Variants in PDE4B observed in about 807,000 individuals in gnomAD.
PDE4B encodes the protein 3',5'-cyclic-AMP phosphodiesterase 4B.
In PDE4B, 20 loss-of-function variants were observed where a neutral mutation model predicts 82.2. That is an observed-to-expected ratio of 0.24 (90% CI 0.17 to 0.35). PDE4B has a LOEUF of 0.35. Among genes scored for constraint, PDE4B ranks in the 10% least tolerant of loss-of-function variants. The pLI, the probability that PDE4B is intolerant of heterozygous loss-of-function variation, is 1.00. For missense variants in PDE4B, 655 were observed against 907.2 expected (o/e 0.72, Z 3.57); for synonymous variants, 320 against 318.9 (o/e 1.00, Z -0.04).
At chr1:65,835,520 G>A (rs1646130393) in intron 1 of PDE4B, among the ~76,000 whole-genome samples, 1 of 152,172 alleles carries the variant, frequency 6.6e-6, no homozygotes, top group Admixed American at 6.5e-5. Flanking sequence ...CCTCAGAGAA[G>A]GCTGAGCAAG....
intron 3 of PDE4B, among the ~76,000 whole-genome samples, chr1:66,184,493 G>A (rs886898752): frequency 6.6e-6 from 1 of 152,156 alleles, no homozygotes; most frequent in Non-Finnish European, 1.5e-5. Flanking sequence ...CTATGGGTTA[G>A]AACCAACAGC....
chr1:66,225,162 A>G (rs2101616217), intron 3 of PDE4B, among the ~76,000 whole-genome samples: 2 of 152,298 alleles, frequency 1.3e-5, no homozygotes, highest in South Asian at 4.1e-4. Flanking sequence ...AAAGAAGCCT[A>G]CATGGGCTCT....
chr1:65,899,786 A>C (rs1297936305), intron 1 of PDE4B, among the ~76,000 whole-genome samples: 3 of 151,826 alleles, frequency 2.0e-5, no homozygotes, highest in Non-Finnish European at 2.9e-5. Flanking sequence ...AGGAATGGAA[A>C]ACCAAACATC....
intron 3 of PDE4B, among the ~76,000 whole-genome samples, chr1:65,993,752 G>T (rs1477169490): frequency 6.6e-6 from 1 of 151,936 alleles, no homozygotes. Context: ...ATCTTTAAGA[G>T]CTTCTTTTTT....
At chr1:66,138,215 A>G (rs1646097896) in intron 3 of PDE4B, among the ~76,000 whole-genome samples, 1 of 152,198 alleles carries the variant, frequency 6.6e-6, no homozygotes, top group African/African-American at 2.4e-5. Context: ...GCCAGATGAT[A>G]TAACACTACA....
intron 7 of PDE4B, among the ~76,000 whole-genome samples, chr1:66,318,360 G>T (rs182244374): frequency 6.6e-6 from 1 of 152,124 alleles, no homozygotes; most frequent in East Asian, 1.9e-4. Context: ...ACTTATGGTG[G>T]GTCAAAAATA....
At chr1:65,958,904 G>GA (rs1156437070) in intron 3 of PDE4B, among the ~76,000 whole-genome samples, 1 of 152,128 alleles carries the variant, frequency 6.6e-6, no homozygotes, top group African/African-American at 2.4e-5. Context: ...AACTTCTTTT[G>GA]AAACAAATGT....
rs565721567 is a variant in PDE4B at position 66,337,027 on chromosome 1, A to C, written c.747+4407A>C. 7.9e-5 allele frequency among the ~76,000 whole-genome samples: 12 copies of C among 152,364 alleles called. No individual in the cohort carries two copies. The South Asian group carries it at 2.3e-3, about 29-fold the overall frequency. ...TTTGTATTTAACTAAATAATCAATA[A>C]CTATGGAAAATGCCAGCTCCTGCAG... On this transcript the variant is annotated intron_variant, in intron 8 of 16. Transcript: ENST00000341517.
chr1:66,026,934 C>T (rs1384648549), intron 3 of PDE4B, among the ~76,000 whole-genome samples: 1 of 152,158 alleles, frequency 6.6e-6, no homozygotes, highest in East Asian at 1.9e-4. Flanking sequence ...ATACATGGCT[C>T]AGTAAACTTA....
At chr1:66,063,852 A>G (rs1279128366) in intron 3 of PDE4B, among the ~76,000 whole-genome samples, 1 of 152,032 alleles carries the variant, frequency 6.6e-6, no homozygotes, top group Non-Finnish European at 1.5e-5. Context: ...CAGGTTTTAT[A>G]TTTTATGGAA....
chr1:66,208,163 C>A (rs140882767), intron 3 of PDE4B, among the ~76,000 whole-genome samples: 1 of 152,146 alleles, frequency 6.6e-6, no homozygotes, highest in Non-Finnish European at 1.5e-5. Flanking sequence ...TATTTCCTGT[C>A]CTTTTCGCCA....
intron 8 of PDE4B, among the ~76,000 whole-genome samples, chr1:66,342,646 A>T (rs1176000607): frequency 6.6e-6 from 1 of 151,542 alleles, no homozygotes; most frequent in African/African-American, 2.4e-5. Flanking sequence ...CAGGAGAATC[A>T]CTTGAAACCA....
At position 66,363,461 on chromosome 1, in the gene PDE4B, A is replaced by G. The variant is rs1483225921; in HGVS notation, c.1174A>G (p.Met392Val). Residue 392 changes from methionine to valine, a missense_variant, in exon 12 of 17, where the codon ATG becomes GTG. Physicochemically the swap from Met to Val is conservative, Grantham distance 21. This residue lies in a region of PDE4B where 283 missense variants were observed against 516.4 expected (regional missense o/e 0.55). Coordinates refer to ENST00000341517, the MANE Select transcript of PDE4B (RefSeq NM_002600.4). Reference sequence around the variant, plus strand: ...CTCATCTGACACATTTATAACCTACATGATGACTTTAGAAGACCATTACCA... The same window carrying G: ...CTCATCTGACACATTTATAACCTACGTGATGACTTTAGAAGACCATTACCA... ...RISSDTFITY[M>V]MTLEDHYHSD... The G allele has an allele frequency of 3.1e-6, 5 of 1,613,454 alleles. No individual in the cohort carries two copies. The South Asian group carries it at 4.4e-5, about 14-fold the overall frequency.
chr1:65,979,388 G>C (rs1650571292), intron 3 of PDE4B, among the ~76,000 whole-genome samples: 1 of 152,226 alleles, frequency 6.6e-6, no homozygotes, highest in Non-Finnish European at 1.5e-5. Context: ...CTGGGTGGTG[G>C]TGCCGCTACT....
In PDE4B at chr1:65,856,846, T is replaced by G. The variant is rs537030348; in HGVS notation, c.-70-56399T>G. 2.0e-5 allele frequency among the ~76,000 whole-genome samples: 3 copies of G among 152,308 alleles called. No homozygotes were observed. The East Asian group carries it at 5.8e-4, about 29-fold the overall frequency. On this transcript the variant is annotated intron_variant, in intron 1 of 16. Transcript: ENST00000341517. ...GAGATTCTTAAGCGTTTGCTTGGCT[T>G]GGCCTCAGGAAAGTCTTAACACTGG... is the stretch of plus-strand genomic sequence containing the variant.
rs72667487 is a variant in PDE4B, at chr1:66,131,393, C to T, written c.282-116067C>T. On this transcript the variant is annotated intron_variant, in intron 3 of 16. Coordinates refer to ENST00000341517, the MANE Select transcript of PDE4B (RefSeq NM_002600.4). ...GAAGATCAAAATAAAGAACTATAAA[C>T]AACATAAAATATTTATGAGAAATCA... Among the ~76,000 whole-genome samples the T allele has an allele frequency of 1.4e-3, 211 of 149,998 alleles. 1 individual carries two copies. The highest frequency in any genetic ancestry group is 2.3e-3 in the Non-Finnish European group (153 of 67,472).
rs112060192 is a variant in PDE4B, at chr1:66,031,212, A to G, written c.281+112377A>G. Among the ~76,000 whole-genome samples, 252 of 152,366 alleles carry G rather than the reference A, an allele frequency of 1.7e-3. 1 individual carries two copies. Among genetic ancestry groups the G allele is most frequent in the African/African-American group, 5.5e-3 (228 of 41,586 alleles). On this transcript the variant is annotated intron_variant, in intron 3 of 16. Coordinates refer to ENST00000341517, the MANE Select transcript of PDE4B (RefSeq NM_002600.4). ...TCCAGGTATTTAAAGTAAATAGACT[A>G]AAATAATTGATTAGAGAATTTTAGG...
At chr1:65,944,217 G>T (rs1361849769) in intron 3 of PDE4B, among the ~76,000 whole-genome samples, 1 of 151,672 alleles carries the variant, frequency 6.6e-6, no homozygotes, top group East Asian at 1.9e-4. Context: ...AATTTTGTCA[G>T]TTGCTTTTTC....
At chr1:66,269,716 A>G (rs1355980646) in intron 7 of PDE4B, among the ~76,000 whole-genome samples, 1 of 152,226 alleles carries the variant, frequency 6.6e-6, no homozygotes, top group Non-Finnish European at 1.5e-5. Flanking sequence ...TTTGCTCTTC[A>G]ATAGTAATCA....
Sources: gnomAD v4.1 joint callset for allele counts (sites outside exome capture counted in the v4.1 genomes callset) on GRCh38, gnomAD v4.1.1 for gene constraint, gnomAD v4.1.1 regional missense constraint, MANE v1.5 for transcripts, NCBI Gene and HGNC (gene_info 2026-07-23, HGNC 2026-07-21) for gene names.